RHOJ: variants seen among roughly 807,000 people sequenced by gnomAD.
RHOJ encodes ras homolog family member J.
In RHOJ, 11 loss-of-function variants were observed where a neutral mutation model predicts 23.4. The observed-to-expected ratio is 0.47, with a 90% CI of 0.30 to 0.78. The LOEUF (loss-of-function observed/expected upper bound fraction) is 0.78, where lower values mean the gene tolerates loss of function less well. Ranked by LOEUF, RHOJ falls within the 30% of genes least tolerant of loss-of-function variation. The pLI is 0.08. For missense variants in RHOJ, 254 were observed against 273.4 expected, an observed-to-expected ratio of 0.93 and a Z score of 0.50; for synonymous variants, 102 against 102.7, an observed-to-expected ratio of 0.99 and a Z score of 0.04.
At chr14:63,208,377 A>G (rs1447693775) in intron 1 of RHOJ, among the ~76,000 whole-genome samples, 4 of 152,138 alleles carry the variant, frequency 2.6e-5, no homozygotes, top group Admixed American at 1.3e-4. Context: ...TTACATCTCT[A>G]GGATCTTCCA....
chr14:63,222,070 G>A (rs1304873275), intron 1 of RHOJ, among the ~76,000 whole-genome samples: 10 of 148,680 alleles, frequency 6.7e-5, no homozygotes, highest in Non-Finnish European at 8.9e-5. Context: ...GAGAACATGC[G>A]GTGTTTGGTT....
At chr14:63,223,822 A>T (rs1357639470) in intron 1 of RHOJ, among the ~76,000 whole-genome samples, 1 of 149,852 alleles carries the variant, frequency 6.7e-6, no homozygotes, top group Non-Finnish European at 1.5e-5. Flanking sequence ...AACATGTTTT[A>T]ATTTTTTTCC....
In RHOJ at chr14:63,211,284, T is replaced by C. The variant is rs139320942; in HGVS notation, c.178+6237T>C. The stretch of plus-strand genomic sequence containing the variant: ...ACATAGTTCTGCTCATTTGGGAAAA[T>C]TTATTCATAAGTTTCTCTTTTGCTC... On this transcript the variant is annotated intron_variant, in intron 1 of 4. Coordinates refer to ENST00000316754, the MANE Select transcript of RHOJ (RefSeq NM_020663.5). Among the ~76,000 whole-genome samples the C allele has an allele frequency of 8.5e-5, 13 of 152,252 alleles. No homozygotes were observed. The East Asian group carries it at 2.3e-3, about 27-fold the overall frequency.
At chr14:63,274,831 C>A (rs563482992) in intron 2 of RHOJ, among the ~76,000 whole-genome samples, 6 of 152,154 alleles carry the variant, frequency 3.9e-5, no homozygotes, top group African/African-American at 1.4e-4. Flanking sequence ...TATGCACGCA[C>A]ACTATACATG....
chr14:63,292,419 G>A lies in RHOJ; in HGVS notation c.*1395G>A, dbSNP rs1002095391. ...CATCCAGGAATTTTTGTATCATAGA[G>A]CGAATTACTTCCTATCTTTTCATTA... is the stretch of plus-strand genomic sequence containing the variant. On this transcript the variant is annotated 3_prime_UTR_variant, in exon 5 of 5. Coordinates refer to ENST00000316754, the MANE Select transcript of RHOJ (RefSeq NM_020663.5). 8 of 152,176 alleles carry A rather than the reference G, an allele frequency of 5.3e-5. No individual in the cohort carries two copies. Among genetic ancestry groups the A allele is most frequent in the Non-Finnish European group, 8.8e-5 (6 of 68,030 alleles). The allele number at this position is 152,176 out of a possible 1,614,324, so 9.4% of individuals were successfully genotyped here.
chr14:63,253,542 T>A (rs547036868), intron 1 of RHOJ, among the ~76,000 whole-genome samples: 2 of 152,184 alleles, frequency 1.3e-5, no homozygotes, highest in African/African-American at 4.8e-5. Flanking sequence ...CTAGATAAAA[T>A]TTGAAATCAT....
intron 2 of RHOJ, among the ~76,000 whole-genome samples, chr14:63,274,077 G>C (rs1435009610): frequency 6.6e-6 from 1 of 152,178 alleles, no homozygotes; most frequent in Non-Finnish European, 1.5e-5. Flanking sequence ...TTCCCCCAAT[G>C]GCTAAGGAAG....
chr14:63,264,688 G>C (rs1326966793), intron 1 of RHOJ, among the ~76,000 whole-genome samples: 1 of 152,106 alleles, frequency 6.6e-6, no homozygotes, highest in African/African-American at 2.4e-5. Flanking sequence ...AGCATCAGTT[G>C]TTTTTTGACT....
chr14:63,237,533 C>T (rs1894811281), intron 1 of RHOJ, among the ~76,000 whole-genome samples: 1 of 152,050 alleles, frequency 6.6e-6, no homozygotes, highest in Non-Finnish European at 1.5e-5. Flanking sequence ...CCTCTTAGGC[C>T]AAAGCAGGAG....
chr14:63,252,347 A>G (rs1419289982), intron 1 of RHOJ, among the ~76,000 whole-genome samples: 1 of 152,200 alleles, frequency 6.6e-6, no homozygotes, highest in Non-Finnish European at 1.5e-5. Context: ...GTTATGTCAA[A>G]TAATTAGAGG....
At chr14:63,241,246 T>G (rs752019886) in intron 1 of RHOJ, among the ~76,000 whole-genome samples, 8 of 152,202 alleles carry the variant, frequency 5.3e-5, no homozygotes, top group Non-Finnish European at 1.2e-4. Flanking sequence ...AGTGTCATCC[T>G]AAATGTATTG....
At chr14:63,278,139 T>G (rs1276235285) in intron 2 of RHOJ, among the ~76,000 whole-genome samples, 2 of 144,196 alleles carry the variant, frequency 1.4e-5, no homozygotes, top group African/African-American at 5.8e-5. Flanking sequence ...ATAGTGGGGG[T>G]TTTTTTTGTT....
chr14:63,231,184 T>C (rs1894688763), intron 1 of RHOJ, among the ~76,000 whole-genome samples: 2 of 152,216 alleles, frequency 1.3e-5, no homozygotes, highest in Admixed American at 1.3e-4. Context: ...CCACCGCGCC[T>C]GGCCGAGACT....
chr14:63,273,811 G>A (rs1034249058), intron 2 of RHOJ, among the ~76,000 whole-genome samples: 1 of 152,222 alleles, frequency 6.6e-6, no homozygotes, highest in Non-Finnish European at 1.5e-5. Context: ...GCACTGCCAG[G>A]GAGGAATGAC....
At chr14:63,244,493 G>A (rs970929629) in intron 1 of RHOJ, among the ~76,000 whole-genome samples, 9 of 151,934 alleles carry the variant, frequency 5.9e-5, no homozygotes, top group South Asian at 2.1e-4. Flanking sequence ...CAGCAGAATC[G>A]CTTGAACTCG....
intron 1 of RHOJ, among the ~76,000 whole-genome samples, chr14:63,206,254 A>G (rs1894106422): frequency 6.6e-6 from 1 of 152,242 alleles, no homozygotes; most frequent in African/African-American, 2.4e-5. Flanking sequence ...TCCATTTCCC[A>G]GCAGGTTTTT....
chr14:63,215,279 CA>C (rs141636293), intron 1 of RHOJ, among the ~76,000 whole-genome samples: 27,748 of 152,142 alleles, frequency 0.18, 3,001 homozygotes, highest in Non-Finnish European at 0.25. Flanking sequence ...AACCAGAACT[CA>C]GCCACCCTTA....
At chr14:63,283,655 G>T (rs1212072714) in intron 4 of RHOJ, among the ~76,000 whole-genome samples, 1 of 152,084 alleles carries the variant, frequency 6.6e-6, no homozygotes, top group Non-Finnish European at 1.5e-5. Context: ...GGTTATATTT[G>T]TCCAGTATTT....
chr14:63,283,696 G>C (rs1881983673), intron 4 of RHOJ, among the ~76,000 whole-genome samples: 1 of 152,138 alleles, frequency 6.6e-6, no homozygotes, highest in South Asian at 2.1e-4. Flanking sequence ...CACTTAGAGA[G>C]CCTGGATTGT....
Sources: allele counts gnomAD v4.1 joint callset (sites outside exome capture counted in the v4.1 genomes callset), GRCh38; gene constraint gnomAD v4.1.1; transcripts MANE v1.5; gene names NCBI Gene and HGNC (gene_info 2026-07-23, HGNC 2026-07-21).